Variants in IQCJ observed in about 807,000 individuals in gnomAD.
IQCJ encodes IQ motif containing J, also known as IQ domain-containing protein J.
In IQCJ, 9 loss-of-function variants were observed where a neutral mutation model predicts 11.0. That is an observed-to-expected ratio of 0.82 (90% CI 0.49 to 1.43). The LOEUF (loss-of-function observed/expected upper bound fraction) is 1.43. Among genes scored for constraint, IQCJ ranks in the 40% most tolerant of loss-of-function variants. IQCJ has a pLI of 0.00. For missense variants in IQCJ, 146 were observed against 133.2 expected (o/e 1.10, Z -0.47); for synonymous variants, 55 against 51.3 (o/e 1.07, Z -0.31).
rs539018590 is a variant in IQCJ, at chr3:159,240,415, A to G, written c.10-5428A>G. ...CTAAAAAGAATCCTTGTGGCAATTA[A>G]ATATTTAATTTTGCTTAAGCTTCTA... On this transcript the variant is annotated intron_variant, in intron 1 of 3. Transcript: ENST00000397832. Among the ~76,000 whole-genome samples the G allele has an allele frequency of 3.3e-5, 5 of 152,334 alleles. No homozygotes were observed. The South Asian group carries it at 1.0e-3, about 32-fold the overall frequency.
chr3:159,238,772 G>T (rs534903551), intron 1 of IQCJ, among the ~76,000 whole-genome samples: 1 of 152,282 alleles, frequency 6.6e-6, no homozygotes, highest in East Asian at 1.9e-4. Context: ...TGTTGTCACT[G>T]AAATGTCCAG....
intron 1 of IQCJ, among the ~76,000 whole-genome samples, chr3:159,101,374 G>A (rs1174066185): frequency 2.0e-5 from 3 of 151,992 alleles, no homozygotes; most frequent in African/African-American, 4.8e-5. Flanking sequence ...GTTCCTATTC[G>A]GCCATCTTGG....
intron 1 of IQCJ, among the ~76,000 whole-genome samples, chr3:159,218,098 A>C (rs180674837): frequency 6.3e-4 from 96 of 151,950 alleles, no homozygotes; most frequent in Non-Finnish European, 1.0e-3. Flanking sequence ...CCTAAGTATA[A>C]ATATTATCTA....
intron 1 of IQCJ, among the ~76,000 whole-genome samples, chr3:159,083,914 G>C (rs1016377293): frequency 2.0e-5 from 3 of 152,084 alleles, no homozygotes; most frequent in African/African-American, 7.2e-5. Context: ...AAAAGAAGAG[G>C]GAAGGAGGCG....
chr3:159,164,634 G>A (rs527403085), intron 1 of IQCJ, among the ~76,000 whole-genome samples: 89 of 152,232 alleles, frequency 5.8e-4, no homozygotes, highest in South Asian at 1.9e-3. Flanking sequence ...TGAGCATGGT[G>A]GCACATGCCT....
Position 159,090,838 on chromosome 3 carries a change from C to A in IQCJ, c.9+21397C>A, listed in dbSNP as rs1178114211. Among the ~76,000 whole-genome samples the A allele has an allele frequency of 5.3e-5, 8 of 151,732 alleles. 1 individual carries two copies. The highest frequency in any genetic ancestry group is 1.9e-4 in the African/African-American group (8 of 41,078). ...ACAAAATTAATCAATTGGAAGGAAT[C>A]GACAAAATTGTTCAGTTGTCTGGTT... On this transcript the variant is annotated intron_variant, in intron 1 of 3. Coordinates refer to ENST00000397832, the MANE Select transcript of IQCJ (RefSeq NM_001042706.3).
At chr3:159,128,096 G>A (rs1577026604) in intron 1 of IQCJ, among the ~76,000 whole-genome samples, 1 of 152,178 alleles carries the variant, frequency 6.6e-6, no homozygotes, top group Non-Finnish European at 1.5e-5. Flanking sequence ...AATACTGTAA[G>A]GCAACACAGA....
chr3:159,108,585 T>A (rs1718419422), intron 1 of IQCJ, among the ~76,000 whole-genome samples: 1 of 152,232 alleles, frequency 6.6e-6, no homozygotes, highest in African/African-American at 2.4e-5. Context: ...GAGCCTCTCT[T>A]AAGAAAAAGA....
At chr3:159,092,220 C>G (rs1160863584) in intron 1 of IQCJ, among the ~76,000 whole-genome samples, 1 of 151,850 alleles carries the variant, frequency 6.6e-6, no homozygotes, top group African/African-American at 2.4e-5. Context: ...AATGTTAAAT[C>G]AGAATATAAT....
At chr3:159,171,743 T>A (rs1248228854) in intron 1 of IQCJ, among the ~76,000 whole-genome samples, 1 of 152,214 alleles carries the variant, frequency 6.6e-6, no homozygotes, top group East Asian at 1.9e-4. Flanking sequence ...AGCCATTGCT[T>A]TTAGACCAGT....
intron 1 of IQCJ, among the ~76,000 whole-genome samples, chr3:159,082,862 C>T (rs958277923): frequency 6.6e-6 from 1 of 152,036 alleles, no homozygotes; most frequent in Non-Finnish European, 1.5e-5. Context: ...GCTCTATAAC[C>T]CCTCTGTGAA....
chr3:159,113,416 A>T (rs1243491564), intron 1 of IQCJ, among the ~76,000 whole-genome samples: 3 of 152,220 alleles, frequency 2.0e-5, no homozygotes, highest in Non-Finnish European at 2.9e-5. Flanking sequence ...TCAGGACAGC[A>T]AATGTATTTA....
rs187215336 is a variant in IQCJ at position 159,213,677 on chromosome 3, G to T, written c.10-32166G>T. ...TCTTAGCTCTGTCACTAGTCATAAT[G>T]CTATTTTGCTGCATAATTTACGAAT... On this transcript the variant is annotated intron_variant, in intron 1 of 3. Coordinates refer to ENST00000397832, the MANE Select transcript of IQCJ (RefSeq NM_001042706.3). 2.5e-4 allele frequency among the ~76,000 whole-genome samples: 38 copies of T among 152,264 alleles called. No homozygotes were observed. In the Middle Eastern group the frequency reaches 0.017, roughly 68 times the overall value.
rs901892640 is a variant in IQCJ, at chr3:159,143,531, T to C, written c.9+74090T>C. ...CTCCATGGACGCTGTATTATTCTCCTGTTGCCTTAAACCCAGAGCGTGGGT... is the reference window on the plus strand; with the variant it reads ...CTCCATGGACGCTGTATTATTCTCCCGTTGCCTTAAACCCAGAGCGTGGGT... On this transcript the variant is annotated intron_variant, in intron 1 of 3. Transcript: ENST00000397832. Among the ~76,000 whole-genome samples the C allele has an allele frequency of 4.6e-5, 7 of 152,334 alleles. No individual in the cohort carries two copies. The East Asian group carries it at 1.3e-3, about 29-fold the overall frequency.
chr3:159,172,729 G>C (rs1722549269), intron 1 of IQCJ, among the ~76,000 whole-genome samples: 1 of 127,314 alleles, frequency 7.9e-6, no homozygotes, highest in African/African-American at 2.9e-5. Flanking sequence ...CACAGAAAGA[G>C]CTTAAAGGTT....
intron 1 of IQCJ, among the ~76,000 whole-genome samples, chr3:159,145,176 G>T (rs568960717): frequency 2.4e-4 from 36 of 152,262 alleles, no homozygotes; most frequent in Admixed American, 1.1e-3. Flanking sequence ...GAAAATAGTA[G>T]CTGAATTGAT....
At position 159,112,682 on chromosome 3, in the gene IQCJ, G is replaced by A. The variant is rs140020864; in HGVS notation, c.9+43241G>A. Among the ~76,000 whole-genome samples, 121 of 152,208 alleles carry A rather than the reference G, an allele frequency of 7.9e-4. 1 individual carries two copies. In the East Asian group the frequency reaches 0.019, roughly 24 times the overall value. ...TGACCGTAGCCTCGCACACCGTTTC[G>A]TTGGGGGCTTTGGGGAGCAGGAACT... is the stretch of plus-strand genomic sequence containing the variant. On this transcript the variant is annotated intron_variant, in intron 1 of 3. Transcript: ENST00000397832.
chr3:159,123,289 G>A (rs544724919), intron 1 of IQCJ, among the ~76,000 whole-genome samples: 30 of 152,170 alleles, frequency 2.0e-4, no homozygotes, highest in Non-Finnish European at 3.7e-4. Context: ...AGTAGTGTGG[G>A]CTCTCTGTCT....
intron 2 of IQCJ, among the ~76,000 whole-genome samples, chr3:159,247,183 G>A (rs904337996): frequency 1.3e-5 from 2 of 152,090 alleles, no homozygotes; most frequent in Non-Finnish European, 2.9e-5. Flanking sequence ...TGCGACCTCC[G>A]CCTCCCGGGT....
Sources: gnomAD v4.1 joint callset for allele counts (sites outside exome capture counted in the v4.1 genomes callset) on GRCh38, gnomAD v4.1.1 for gene constraint, MANE v1.5 for transcripts, NCBI Gene and HGNC (gene_info 2026-07-23, HGNC 2026-07-21) for gene names.